The following NETO2 variants were observed in gnomAD, a reference collection of about 807,000 sequenced individuals.
NETO2 encodes the protein neuropilin and tolloid like 2.
In NETO2, 28 loss-of-function variants were observed where a neutral mutation model predicts 62.5. That is an observed-to-expected ratio of 0.45 (90% CI 0.33 to 0.61). The LOEUF (loss-of-function observed/expected upper bound fraction) is 0.61. NETO2 is among the 20% of genes least tolerant of loss of function. The pLI, the probability that NETO2 is intolerant of heterozygous loss-of-function variation, is 0.02. For missense variants in NETO2, 548 were observed against 643.2 expected, an observed-to-expected ratio of 0.85 and a Z score of 1.60; for synonymous variants, 214 against 219.1, an observed-to-expected ratio of 0.98 and a Z score of 0.21.
chr16:47,129,179 A>G (rs1375043674), intron 3 of NETO2, 45 bp downstream of exon 3: 2 of 1,582,182 alleles, frequency 1.3e-6, no homozygotes, highest in East Asian at 2.2e-5. Flanking sequence ...ATTTAGTTTT[A>G]CAATAAAGTA....
chr16:47,113,625 CTT>C (rs968888072), intron 6 of NETO2, among the ~76,000 whole-genome samples: 4 of 95,934 alleles, frequency 4.2e-5, no homozygotes, highest in East Asian at 3.2e-4. Context: ...AGTTTTTGCT[CTT>C]GTCGCCCAGG....
intron 6 of NETO2, among the ~76,000 whole-genome samples, chr16:47,111,386 G>A (rs767095233): frequency 2.0e-5 from 3 of 151,844 alleles, no homozygotes; most frequent in Non-Finnish European, 4.4e-5. Flanking sequence ...AAAAAACATC[G>A]AGTTAAAGAT....
At chr16:47,117,548 A>G (rs1055416376) in intron 6 of NETO2, among the ~76,000 whole-genome samples, 5 of 152,118 alleles carry the variant, frequency 3.3e-5, no homozygotes, top group South Asian at 2.1e-4. Context: ...TTTGTTTTCA[A>G]TCTTTTCCCC....
intron 4 of NETO2, among the ~76,000 whole-genome samples, chr16:47,124,997 A>C (rs1209584758): frequency 6.6e-6 from 1 of 151,006 alleles, no homozygotes; most frequent in Non-Finnish European, 1.5e-5. Context: ...AAAAAGAGCT[A>C]CTTGACTCCA....
intron 7 of NETO2, among the ~76,000 whole-genome samples, chr16:47,091,665 C>A (rs1182204714): frequency 2.0e-5 from 3 of 152,094 alleles, no homozygotes; most frequent in Non-Finnish European, 4.4e-5. Flanking sequence ...CTTCATTGTA[C>A]CTAGACTTTG....
In NETO2 at chr16:47,143,827, C is replaced by A; in HGVS notation, c.-215G>T. 2.0e-6 allele frequency: 1 copy of A among 493,014 alleles called. No individual in the cohort carries two copies. Among genetic ancestry groups the A allele is most frequent in the Non-Finnish European group, 3.0e-6 (1 of 335,086 alleles). 30.5% of individuals were successfully genotyped at this position (493,014 alleles called of 1,614,324 possible). On this transcript the variant is annotated 5_prime_UTR_variant, in exon 1 of 9. Coordinates refer to ENST00000562435, the MANE Select transcript of NETO2 (RefSeq NM_018092.5). ...GCGGCCCGAGCACCCCGACGGGCGC[C>A]GCCTCCTGCTCCGCGGCGCCCCGTC... is the stretch of plus-strand genomic sequence containing the variant.
intron 7 of NETO2, among the ~76,000 whole-genome samples, chr16:47,099,139 T>G (rs1332136158): frequency 6.6e-6 from 1 of 152,142 alleles, no homozygotes; most frequent in Non-Finnish European, 1.5e-5. Context: ...ATTACAGGTG[T>G]GTGAGCCACT....
At chr16:47,126,741 G>GT (rs1434186416) in intron 4 of NETO2, among the ~76,000 whole-genome samples, 1 of 152,150 alleles carries the variant, frequency 6.6e-6, no homozygotes, top group Non-Finnish European at 1.5e-5. Flanking sequence ...TACTTCCTGT[G>GT]TAATTTTGCT....
chr16:47,136,081 T>G (rs1204838600), intron 1 of NETO2, among the ~76,000 whole-genome samples: 1 of 152,236 alleles, frequency 6.6e-6, no homozygotes. Context: ...TGGGTCCTGT[T>G]TTTGGACTTA....
intron 7 of NETO2, among the ~76,000 whole-genome samples, chr16:47,098,023 C>T (rs753400108): frequency 1.4e-4 from 22 of 152,166 alleles, no homozygotes; most frequent in Non-Finnish European, 3.1e-4. Flanking sequence ...ATCCAAAGGT[C>T]ACCAACATCA....
At chr16:47,116,481 G>A (rs1337862363) in intron 6 of NETO2, among the ~76,000 whole-genome samples, 1 of 152,016 alleles carries the variant, frequency 6.6e-6, no homozygotes, top group African/African-American at 2.4e-5. Context: ...GATAAACCAC[G>A]CTTTACTATT....
intron 7 of NETO2, among the ~76,000 whole-genome samples, chr16:47,102,685 T>C (rs1028630365): frequency 2.0e-5 from 3 of 150,518 alleles, no homozygotes; most frequent in Middle Eastern, 3.5e-3. Context: ...AAGAAAGACA[T>C]GAAAAAAAGC....
intron 2 of NETO2, 101 bp from the exon 3 acceptor site, chr16:47,129,465 T>A (rs1019359223): frequency 3.4e-6 from 4 of 1,193,078 alleles, no homozygotes; most frequent in South Asian, 2.9e-5. Context: ...CTATGCTACA[T>A]ATATAAAATT....
At chr16:47,094,550 C>T (rs769774101) in intron 7 of NETO2, among the ~76,000 whole-genome samples, 36 of 149,008 alleles carry the variant, frequency 2.4e-4, no homozygotes, top group Non-Finnish European at 3.9e-4. Flanking sequence ...CCCAGCCTAT[C>T]GAGTAGCTGG....
chr16:47,101,622 A>C lies in NETO2; in HGVS notation c.883+7861T>G, dbSNP rs184377012. Among the ~76,000 whole-genome samples the C allele has an allele frequency of 3.0e-3, 458 of 152,358 alleles. 3 individuals carry two copies. Among genetic ancestry groups the C allele is most frequent in the African/African-American group, 0.011 (440 of 41,588 alleles). Reference sequence around the variant, plus strand: ...ACAAAATCAATGTGCAAAAATCACAAGGATTCCTATACACCAATAATAGAC... The same window carrying C: ...ACAAAATCAATGTGCAAAAATCACACGGATTCCTATACACCAATAATAGAC... On this transcript the variant is annotated intron_variant, in intron 7 of 8. Transcript: ENST00000562435.
Position 47,143,628 on chromosome 16 carries a change from G to A in NETO2, c.-16C>T. 2 of 1,221,042 alleles carry A rather than the reference G, an allele frequency of 1.6e-6. No individual in the cohort carries two copies. Among genetic ancestry groups the A allele is most frequent in the African/African-American group, 1.6e-5 (1 of 63,740 alleles). The allele number at this position is 1,221,042 out of a possible 1,614,324, so 75.6% of individuals were successfully genotyped here. A position where few individuals can be genotyped will look rare whatever the true frequency, so the allele number is the denominator to read the frequency against. ...CCAGGGCCATGTTCCCGAGCTGCCC[G>A]GCGCTTCGCGAAGGGCTGAGGTAGC... On this transcript the variant is annotated 5_prime_UTR_variant, in exon 1 of 9. Coordinates refer to ENST00000562435, the MANE Select transcript of NETO2 (RefSeq NM_018092.5).
rs1392063670 is a variant in NETO2 at position 47,078,749 on chromosome 16, A to T, written c.*4472T>A. On this transcript the variant is annotated 3_prime_UTR_variant, in exon 9 of 9. Coordinates refer to ENST00000562435, the MANE Select transcript of NETO2 (RefSeq NM_018092.5). ...TAGATTTAAAAAAGATCAAAAAAGC[A>T]AGAACACAGGAGCTCTTCCTGCCTA... 6.6e-6 allele frequency: 1 copy of T among 152,230 alleles called. No individual in the cohort carries two copies. The highest frequency in any genetic ancestry group is 1.5e-5 in the Non-Finnish European group (1 of 68,032). The allele number at this position is 152,230 out of a possible 1,614,324, so 9.4% of individuals were successfully genotyped here. A position where few individuals can be genotyped will look rare whatever the true frequency, so the allele number is the denominator to read the frequency against.
intron 7 of NETO2, among the ~76,000 whole-genome samples, chr16:47,097,894 G>A (rs1963461730): frequency 6.6e-6 from 1 of 152,148 alleles, no homozygotes; most frequent in Admixed American, 6.5e-5. Flanking sequence ...GGTCTGGAGT[G>A]GACCTCCAGC....
At chr16:47,093,448 C>T (rs546352535) in intron 7 of NETO2, among the ~76,000 whole-genome samples, 2 of 152,354 alleles carry the variant, frequency 1.3e-5, no homozygotes, top group South Asian at 2.1e-4. Flanking sequence ...AAAGGGTCTT[C>T]GTCACGGTCA....
Sources: allele counts gnomAD v4.1 joint callset (sites outside exome capture counted in the v4.1 genomes callset), GRCh38; gene constraint gnomAD v4.1.1; transcripts MANE v1.5; gene names NCBI Gene and HGNC (gene_info 2026-07-23, HGNC 2026-07-21).